Variants in RETREG1 observed in about 807,000 individuals in gnomAD.
The protein encoded by RETREG1 is reticulophagy regulator 1, also known as family with sequence similarity 134 member B.
RETREG1 carries 44 observed loss-of-function variants against 54.8 expected under a neutral mutation model. That is an observed-to-expected ratio of 0.80 (90% confidence interval 0.63 to 1.03). The LOEUF (loss-of-function observed/expected upper bound fraction) is 1.03. Ranked by LOEUF, RETREG1 falls within the 50% of genes least tolerant of loss-of-function variation. RETREG1 has a pLI of 0.00. For missense variants in RETREG1, 554 were observed against 605.1 expected (o/e 0.92, Z 0.89); for synonymous variants, 217 against 238.5 (o/e 0.91, Z 0.83).
At position 16,616,832 on chromosome 5, in the gene RETREG1, G is replaced by C. The variant is rs1193392543; in HGVS notation, c.140C>G (p.Ala47Gly). The C allele has an allele frequency of 2.0e-6, 3 of 1,514,302 alleles. No homozygotes were observed. Among genetic ancestry groups the C allele is most frequent in the South Asian group, 1.2e-5 (1 of 81,958 alleles). 93.8% of individuals were successfully genotyped at this position (1,514,302 alleles called of 1,614,324 possible). The part of the protein sequence containing the change: ...RQQQEEEAQE[A>G]GAAEGAGLQV... ...CAACCCCGCGCCCTCCGCCGCCCCA[G>C]CTTCCTGCGCTTCCTCCTCCTGCTG... Residue 47 changes from alanine (A) to glycine (G), a missense_variant, in exon 1 of 9, where the codon GCT becomes GGT. Transcript: ENST00000306320.
At chr5:16,523,317 T>C (rs1199357824) in intron 3 of RETREG1, among the ~76,000 whole-genome samples, 1 of 152,192 alleles carries the variant, frequency 6.6e-6, no homozygotes, top group Non-Finnish European at 1.5e-5. Flanking sequence ...CCACATTCAA[T>C]CTTGGTATCA....
chr5:16,483,061 C>G (rs751521328), intron 4 of RETREG1: 6 of 372,872 alleles, frequency 1.6e-5, no homozygotes, highest in African/African-American at 4.1e-5. Context: ...ACTGTTTTCT[C>G]CCTAGTCTTG....
At chr5:16,575,663 C>A (rs1356011483) in intron 1 of RETREG1, among the ~76,000 whole-genome samples, 2 of 152,230 alleles carry the variant, frequency 1.3e-5, no homozygotes, top group African/African-American at 2.4e-5. Context: ...CTGTCCTGGG[C>A]AAGGGCCCAG....
intron 1 of RETREG1, among the ~76,000 whole-genome samples, chr5:16,578,234 ACT>A (rs1165573863): frequency 6.6e-6 from 1 of 152,170 alleles, no homozygotes; most frequent in African/African-American, 2.4e-5. Flanking sequence ...AAGGAATATA[ACT>A]CAACTTTCTA....
intron 1 of RETREG1, among the ~76,000 whole-genome samples, chr5:16,601,708 T>C (rs1294163864): frequency 6.6e-6 from 1 of 152,200 alleles, no homozygotes; most frequent in African/African-American, 2.4e-5. Flanking sequence ...GAAATTATTT[T>C]TAAAAGACTT....
At chr5:16,500,716 CT>C (rs1000296963) in intron 3 of RETREG1, among the ~76,000 whole-genome samples, 14 of 152,164 alleles carry the variant, frequency 9.2e-5, no homozygotes, top group African/African-American at 3.4e-4. Flanking sequence ...TGCTTTCCCC[CT>C]AAAGAGTAAA....
chr5:16,489,018 G>A (rs541242661), intron 3 of RETREG1, among the ~76,000 whole-genome samples: 1 of 146,002 alleles, frequency 6.8e-6, no homozygotes, highest in Non-Finnish European at 1.5e-5. Flanking sequence ...AGGAGGCAGG[G>A]GCTGCAATGA....
chr5:16,474,234 A>G lies in RETREG1; in HGVS notation c.*507T>C, dbSNP rs1031779575. 1.9e-5 allele frequency: 3 copies of G among 157,794 alleles called. No homozygotes were observed. The highest frequency in any genetic ancestry group is 2.8e-5 in the Non-Finnish European group (2 of 72,042). 9.8% of individuals were successfully genotyped at this position (157,794 alleles called of 1,614,324 possible). ...TTGATAGTATTTCCCAAGTCCTTCA[A>G]CTAAGATACCTTGATAATTTCGGTC... On this transcript the variant is annotated 3_prime_UTR_variant, in exon 9 of 9. Coordinates refer to ENST00000306320, the MANE Select transcript of RETREG1 (RefSeq NM_001034850.3).
chr5:16,616,941 C>CGGCGTGCTCCGGAGGCGCCG lies in RETREG1; in HGVS notation c.11_30dup (p.Glu11ArgfsTer65). ...GCGGCAGGAGCCGGGCATCCCTCCT[C>CGGCGTGCTCCGGAGGCGCCG]GGCGTGCTCCGGAGGCGCCGGGCTC... On this transcript the variant is annotated frameshift_variant, in exon 1 of 9. Transcript: ENST00000306320. LOFTEE classifies it high-confidence loss of function. 6.9e-7 allele frequency: 1 copy of CGGCGTGCTCCGGAGGCGCCG among 1,457,880 alleles called. No individual in the cohort carries two copies. Among genetic ancestry groups the CGGCGTGCTCCGGAGGCGCCG allele is most frequent in the Non-Finnish European group, 9.0e-7 (1 of 1,110,556 alleles). 90.3% of individuals were successfully genotyped at this position (1,457,880 alleles called of 1,614,324 possible).
chr5:16,580,387 C>T (rs1742448953), intron 1 of RETREG1, among the ~76,000 whole-genome samples: 2 of 152,216 alleles, frequency 1.3e-5, no homozygotes, highest in African/African-American at 2.4e-5. Flanking sequence ...ACCTTGCTGA[C>T]GCCTCCAGCA....
chr5:16,489,082 CAAAAAAAAAAAAA>C (rs567475517), intron 3 of RETREG1, among the ~76,000 whole-genome samples: 9 of 62,936 alleles, frequency 1.4e-4, no homozygotes, highest in African/African-American at 3.2e-4. Context: ...GATTCTGTCT[CAAAAAAAAAAAAA>C]AAAAAAAAAA....
At position 16,481,744 on chromosome 5, in the gene RETREG1, C is replaced by T. The variant is rs571419852; in HGVS notation, c.586-651G>A. The stretch of plus-strand genomic sequence containing the variant: ...ACTCCTACAGTGACATGTTTATTTT[C>T]CTTCTGTCATTTATGGTTAAAAAAT... On this transcript the variant is annotated intron_variant, in intron 4 of 8. Coordinates refer to ENST00000306320, the MANE Select transcript of RETREG1 (RefSeq NM_001034850.3). 3.2e-4 allele frequency among the ~76,000 whole-genome samples: 49 copies of T among 152,058 alleles called. 1 individual carries two copies. The highest frequency in any genetic ancestry group is 6.2e-4 in the South Asian group (3 of 4,824).
At chr5:16,558,354 T>C (rs988240242) in intron 3 of RETREG1, among the ~76,000 whole-genome samples, 2 of 152,180 alleles carry the variant, frequency 1.3e-5, no homozygotes, top group African/African-American at 2.4e-5. Context: ...TGGGATGACA[T>C]ATCAAGAAGG....
At chr5:16,516,391 C>A (rs1209340654) in intron 3 of RETREG1, among the ~76,000 whole-genome samples, 2 of 152,180 alleles carry the variant, frequency 1.3e-5, no homozygotes, top group Non-Finnish European at 2.9e-5. Context: ...AAAAACACCT[C>A]CCCTAAGTCA....
intron 1 of RETREG1, 97 bp downstream of exon 1, chr5:16,616,555 G>T: frequency 6.6e-7 from 1 of 1,508,602 alleles, no homozygotes. Context: ...TTCCTCCGCA[G>T]TGTCCCGCGG....
intron 3 of RETREG1, among the ~76,000 whole-genome samples, chr5:16,533,958 G>A (rs147681472): frequency 3.9e-4 from 59 of 152,296 alleles, no homozygotes; most frequent in African/African-American, 1.4e-3. Context: ...TGGTGAGAAT[G>A]CATGTGGTTG....
Position 16,573,876 on chromosome 5 carries a change from C to T in RETREG1, c.321-1774G>A, listed in dbSNP as rs536243083. Among the ~76,000 whole-genome samples, 3 of 151,684 alleles carry T rather than the reference C, an allele frequency of 2.0e-5. No homozygotes were observed. The East Asian group carries it at 5.9e-4, about 30-fold the overall frequency. On this transcript the variant is annotated intron_variant, in intron 1 of 8. Coordinates refer to ENST00000306320, the MANE Select transcript of RETREG1 (RefSeq NM_001034850.3). ...TCTCCTGCCTCAGCCGCCCAAGTAG[C>T]TGGAAATATAGGTGTCTGCCACCAC...
intron 4 of RETREG1, 145 bp downstream of exon 4, chr5:16,483,201 T>C (rs17540484): frequency 1.1e-6 from 1 of 915,992 alleles, no homozygotes; most frequent in Admixed American, 1.9e-5. Flanking sequence ...CATCTGAACC[T>C]TGCTGATACC....
Position 16,616,672 on chromosome 5 carries a change from G to C in RETREG1, c.300C>G (p.Val100=). 6.3e-7 allele frequency: 1 copy of C among 1,596,132 alleles called. No individual in the cohort carries two copies. Among genetic ancestry groups the C allele is most frequent in the Non-Finnish European group, 8.5e-7 (1 of 1,177,306 alleles). ...KRPLRSLLGF[V]AANLLFWFLA... Reference sequence around the variant, plus strand: ...CTCACCAGAACAGCAGGTTGGCAGCGACGAAGCCGAGCAGGCTCCGCAGCG... The same window carrying C: ...CTCACCAGAACAGCAGGTTGGCAGCCACGAAGCCGAGCAGGCTCCGCAGCG... The change falls in exon 1 of 9, where the codon GTC becomes GTG. Residue 100 remains valine, a synonymous_variant. Coordinates refer to ENST00000306320, the MANE Select transcript of RETREG1 (RefSeq NM_001034850.3).
Sources: allele counts gnomAD v4.1 joint callset (sites outside exome capture counted in the v4.1 genomes callset), GRCh38; gene constraint gnomAD v4.1.1; transcripts MANE v1.5; gene names NCBI Gene and HGNC (gene_info 2026-07-23, HGNC 2026-07-21).